The following DPP6 variants were observed in gnomAD, a reference collection of about 807,000 sequenced individuals.
DPP6 encodes A-type potassium channel modulatory protein DPP6.
Under a neutral mutation model 122.6 loss-of-function variants are expected in DPP6, and 69 were observed. The observed-to-expected ratio is 0.56, with a 90% CI of 0.46 to 0.69. The LOEUF (loss-of-function observed/expected upper bound fraction) is 0.69. Ranked by LOEUF, DPP6 falls within the 30% of genes least tolerant of loss-of-function variation. The pLI is 0.00. For synonymous variants in DPP6, 418 were observed against 433.1 expected, an observed-to-expected ratio of 0.97 and a Z score of 0.43; for missense variants, 928 against 1,116.9, an observed-to-expected ratio of 0.83 and a Z score of 2.41.
At chr7:154,087,083 G>A (rs62485630) in intron 1 of DPP6, among the ~76,000 whole-genome samples, 32,995 of 149,882 alleles carry the variant, frequency 0.22, 4,200 homozygotes, top group African/African-American at 0.35. Context: ...AAAGGGATGT[G>A]TAGGCTGACA....
chr7:154,321,083 C>T (rs1229963480), intron 1 of DPP6, among the ~76,000 whole-genome samples: 1 of 151,920 alleles, frequency 6.6e-6, no homozygotes, highest in African/African-American at 2.4e-5. Context: ...GAAAATGTTC[C>T]ACAGTTTAGG....
intron 6 of DPP6, among the ~76,000 whole-genome samples, chr7:154,660,437 C>A (rs541384820): frequency 6.7e-6 from 1 of 149,222 alleles, no homozygotes; most frequent in Non-Finnish European, 1.5e-5. Flanking sequence ...ATCACCATGG[C>A]GTATTGGCCC....
At chr7:154,056,958 T>C (rs1800877825) in intron 1 of DPP6, among the ~76,000 whole-genome samples, 1 of 152,178 alleles carries the variant, frequency 6.6e-6, no homozygotes, top group African/African-American at 2.4e-5. Flanking sequence ...CAACTGTCTA[T>C]TTGATCCCAT....
chr7:154,483,629 T>TA lies in DPP6; in HGVS notation c.457+8594dup, dbSNP rs1177885081. ...TGGGAGCTTCTGACTGGTTAGTCTT[T>TA]AAGTTTCACTTTTCTTTAATATAGG... On this transcript the variant is annotated intron_variant, in intron 3 of 25. Transcript: ENST00000377770. This position sits in a 1 kb window ranked among gnomAD's most constrained non-coding sequence, Gnocchi z 8.1. 1.3e-5 allele frequency among the ~76,000 whole-genome samples: 2 copies of TA among 152,246 alleles called. No individual in the cohort carries two copies. The highest frequency in any genetic ancestry group is 4.8e-5 in the African/African-American group (2 of 41,472).
chr7:154,812,503 G>T (rs1395079031), intron 16 of DPP6, among the ~76,000 whole-genome samples: 2 of 152,108 alleles, frequency 1.3e-5, no homozygotes, highest in Non-Finnish European at 2.9e-5. Context: ...TCTGGTAAGG[G>T]CCCTCTTCTG....
At chr7:154,765,522 A>G (rs1328089395) in intron 8 of DPP6, among the ~76,000 whole-genome samples, 1 of 152,188 alleles carries the variant, frequency 6.6e-6, no homozygotes, top group East Asian at 1.9e-4. Flanking sequence ...TTTTTCTCCT[A>G]CTGGATATGA....
chr7:153,796,920 C>T, the DPP6 span, among the ~76,000 whole-genome samples: 1 of 152,162 alleles, frequency 6.6e-6, no homozygotes, highest in Non-Finnish European at 1.5e-5. Flanking sequence ...TGAAGAGATG[C>T]CACCTTCAAA....
At chr7:154,710,922 C>T (rs909945867) in intron 7 of DPP6, among the ~76,000 whole-genome samples, 1 of 152,180 alleles carries the variant, frequency 6.6e-6, no homozygotes, top group Admixed American at 6.5e-5. Context: ...CTGTGCTTCG[C>T]CCTATAAATT....
At chr7:154,382,951 T>C (rs976713432) in intron 1 of DPP6, among the ~76,000 whole-genome samples, 1 of 152,216 alleles carries the variant, frequency 6.6e-6, no homozygotes, top group Non-Finnish European at 1.5e-5. Context: ...GGTCTTGAAC[T>C]CCTGACCTCA....
chr7:153,951,282 C>T (rs1346511293), intron 1 of DPP6, among the ~76,000 whole-genome samples: 2 of 152,186 alleles, frequency 1.3e-5, no homozygotes, highest in African/African-American at 4.8e-5. Flanking sequence ...CACAGTTGCT[C>T]ACCCTAGCAC....
chr7:154,379,427 C>T (rs899322754), intron 1 of DPP6, among the ~76,000 whole-genome samples: 2 of 152,024 alleles, frequency 1.3e-5, no homozygotes, highest in African/African-American at 4.8e-5. Context: ...TTGATGGGTG[C>T]AGCAAACCAA....
chr7:154,488,479 C>T (rs73726899), intron 3 of DPP6, among the ~76,000 whole-genome samples: 13,648 of 151,726 alleles, frequency 0.09, 1,861 homozygotes, highest in African/African-American at 0.3. Flanking sequence ...CAGACACACC[C>T]TTGTAATAAG....
chr7:154,091,769 C>T lies in DPP6; in HGVS notation c.243+38706C>T, dbSNP rs191256467. On this transcript the variant is annotated intron_variant, in intron 1 of 25. Coordinates refer to ENST00000377770, the MANE Select transcript of DPP6 (RefSeq NM_130797.4). ...GTGTCACTGCCTCTGCTGACCCTCC[C>T]GATGTACCAGATGAAGAGACCGGGT... Among the ~76,000 whole-genome samples, 431 of 152,132 alleles carry T rather than the reference C, an allele frequency of 2.8e-3. 2 individuals carry two copies. The highest frequency in any genetic ancestry group is 9.9e-3 in the African/African-American group (411 of 41,390).
chr7:153,806,041 G>A, the DPP6 span, among the ~76,000 whole-genome samples: 6 of 151,674 alleles, frequency 4.0e-5, no homozygotes, highest in East Asian at 1.9e-4. Context: ...TTCCTCCCTC[G>A]TTTCATCTGG....
chr7:154,339,207 A>G (rs887496256), intron 1 of DPP6, among the ~76,000 whole-genome samples: 2 of 152,216 alleles, frequency 1.3e-5, no homozygotes, highest in African/African-American at 4.8e-5. Flanking sequence ...GGCACGCGTT[A>G]AGCAGTGCGT....
intron 5 of DPP6, among the ~76,000 whole-genome samples, chr7:154,593,454 T>G (rs924617405): frequency 1.3e-5 from 2 of 152,242 alleles, no homozygotes; most frequent in Non-Finnish European, 2.9e-5. Flanking sequence ...ACTCTTACAC[T>G]GTGCTGTTCA....
At chr7:153,912,109 CAA>C (rs1211758800) in intron 1 of DPP6, among the ~76,000 whole-genome samples, 1 of 150,068 alleles carries the variant, frequency 6.7e-6, no homozygotes, top group African/African-American at 2.4e-5. Flanking sequence ...TAATTTCTGC[CAA>C]AAAAAAATAT....
intron 1 of DPP6, among the ~76,000 whole-genome samples, chr7:154,078,280 T>G (rs1054537444): frequency 6.6e-5 from 10 of 152,142 alleles, no homozygotes; most frequent in Middle Eastern, 3.4e-3. Context: ...GAAAAGGGGC[T>G]TAATATAGAA....
chr7:154,503,364 C>G (rs1001918391), intron 3 of DPP6, among the ~76,000 whole-genome samples: 2 of 152,164 alleles, frequency 1.3e-5, no homozygotes, highest in Non-Finnish European at 2.9e-5. Context: ...ACTCCAGTCC[C>G]AGGTTCCATG....
Sources: gnomAD v4.1 joint callset for allele counts (sites outside exome capture counted in the v4.1 genomes callset) on GRCh38, gnomAD v4.1.1 for gene constraint, Gnocchi (gnomAD v3.1) non-coding constraint, MANE v1.5 for transcripts, NCBI Gene and HGNC (gene_info 2026-07-23, HGNC 2026-07-21) for gene names.